Variants in TRRAP observed in about 807,000 individuals in gnomAD.
TRRAP encodes the protein transformation/transcription domain associated protein.
In TRRAP, 41 loss-of-function variants were observed where a neutral mutation model predicts 438.8. The ratio of observed to expected loss-of-function variants is 0.09; its 90% CI spans 0.07 to 0.12. The LOEUF (loss-of-function observed/expected upper bound fraction) is 0.12. Among genes scored for constraint, TRRAP ranks in the 10% least tolerant of loss-of-function variants. The pLI, the probability that TRRAP is intolerant of heterozygous loss-of-function variation, is 1.00. For missense variants in TRRAP, 3,122 were observed against 5,055.1 expected, an observed-to-expected ratio of 0.62 and a Z score of 11.60; for synonymous variants, 1,994 against 1,962.9, an observed-to-expected ratio of 1.02 and a Z score of -0.42.
chr7:98,946,741 G>A (rs1219382054), intron 33 of TRRAP, among the ~76,000 whole-genome samples: 1 of 152,144 alleles, frequency 6.6e-6, no homozygotes, highest in Non-Finnish European at 1.5e-5. Flanking sequence ...CACACACCCC[G>A]AGCTTTCCCT....
intron 60 of TRRAP, among the ~76,000 whole-genome samples, chr7:98,983,784 G>A (rs1351661782): frequency 6.6e-6 from 1 of 152,154 alleles, no homozygotes; most frequent in Non-Finnish European, 1.5e-5. Flanking sequence ...TGCTCAGGTG[G>A]CTCTGCGTGG....
At chr7:98,897,064 G>A (rs552850268) in intron 7 of TRRAP, among the ~76,000 whole-genome samples, 3 of 152,154 alleles carry the variant, frequency 2.0e-5, no homozygotes, top group Non-Finnish European at 2.9e-5. Flanking sequence ...GTGAAACCCC[G>A]TCTCTACTAA....
In TRRAP at chr7:98,948,881, A is replaced by C. The variant is rs1791203063; in HGVS notation, c.4788+196A>C. ...AGGTCTAGGAACCACTCTTTATAGG[A>C]CTTTGGTGGTGGTAGCAAATAAATG... is the stretch of plus-strand genomic sequence containing the variant. On this transcript the variant is annotated intron_variant, in intron 35 of 72. Coordinates refer to ENST00000456197, the MANE Select transcript of TRRAP (RefSeq NM_001375524.1). The surrounding 1 kb of genome is among the most constrained non-coding windows in gnomAD (Gnocchi z 4.9). Among the ~76,000 whole-genome samples the C allele has an allele frequency of 6.6e-6, 1 of 152,090 alleles. No individual in the cohort carries two copies. Among genetic ancestry groups the C allele is most frequent in the Admixed American group, 6.6e-5 (1 of 15,260 alleles).
chr7:98,960,127 A>G (rs1448632649), intron 45 of TRRAP, among the ~76,000 whole-genome samples: 1 of 152,048 alleles, frequency 6.6e-6, no homozygotes, highest in Non-Finnish European at 1.5e-5. Flanking sequence ...TGTTGCAACA[A>G]CCTTTAAGAT....
At chr7:98,932,501 A>T (rs1277647649) in intron 26 of TRRAP, among the ~76,000 whole-genome samples, 3 of 151,836 alleles carry the variant, frequency 2.0e-5, no homozygotes, top group African/African-American at 4.8e-5. Flanking sequence ...TAATTAAAAA[A>T]TTTTTTTCCA....
At chr7:98,906,306 G>A (rs781873517) in intron 13 of TRRAP, 51 bp downstream of exon 13, 11 of 1,466,436 alleles carry the variant, frequency 7.5e-6, no homozygotes, top group South Asian at 5.9e-5. Context: ...AGGAGCATCA[G>A]TTACTGGCAC....
intron 70 of TRRAP, among the ~76,000 whole-genome samples, chr7:99,010,725 C>A (rs566910270): frequency 6.6e-6 from 1 of 152,128 alleles, no homozygotes; most frequent in Non-Finnish European, 1.5e-5. Context: ...GTTAATTGGC[C>A]TGATATATTC....
At chr7:98,950,293 A>G (rs369420255) in intron 38 of TRRAP, 31 bp downstream of exon 38, 7 of 1,610,712 alleles carry the variant, frequency 4.3e-6, no homozygotes, top group Non-Finnish European at 5.9e-6. Flanking sequence ...GTAGAAGGGT[A>G]TGGGTATTTG....
intron 67 of TRRAP, chr7:98,999,803 G>T (rs1793834786): frequency 1.9e-6 from 1 of 524,784 alleles, no homozygotes; most frequent in Non-Finnish European, 3.4e-6. Flanking sequence ...AAGTTCTGTG[G>T]CAAATCCCGA....
chr7:98,904,409 G>A (rs1288822153), intron 12 of TRRAP, among the ~76,000 whole-genome samples: 2 of 149,362 alleles, frequency 1.3e-5, no homozygotes, highest in South Asian at 2.1e-4. Flanking sequence ...TGTGAACCCA[G>A]GAAGGCAGAG....
At chr7:98,917,292 A>C in intron 19 of TRRAP, 131 bp from the exon 20 acceptor site, 1 of 1,287,622 alleles carries the variant, frequency 7.8e-7, no homozygotes, top group Non-Finnish European at 1.1e-6. Context: ...GTGGAGTCTA[A>C]GGGCACAGAG....
intron 63 of TRRAP, among the ~76,000 whole-genome samples, chr7:98,989,483 C>T (rs1793294575): frequency 6.6e-6 from 1 of 152,260 alleles, no homozygotes; most frequent in Non-Finnish European, 1.5e-5. Context: ...TCCTGTCTTC[C>T]CCCAAGAAGC....
chr7:98,962,709 C>T (rs1451309201), intron 47 of TRRAP, among the ~76,000 whole-genome samples: 2 of 152,210 alleles, frequency 1.3e-5, no homozygotes, highest in Non-Finnish European at 2.9e-5. Flanking sequence ...CCCAGTGTCA[C>T]ACTAAACAGG....
chr7:98,898,693 A>G (rs1030390166), intron 8 of TRRAP, among the ~76,000 whole-genome samples: 14 of 152,104 alleles, frequency 9.2e-5, no homozygotes, highest in African/African-American at 3.1e-4. Context: ...ATATATTAGG[A>G]CTGTTGAACT....
intron 20 of TRRAP, among the ~76,000 whole-genome samples, chr7:98,920,462 T>C (rs1225237657): frequency 4.0e-5 from 6 of 148,592 alleles, no homozygotes; most frequent in Non-Finnish European, 7.4e-5. Flanking sequence ...AGAGCGAGAC[T>C]CCGTCTCCAA....
chr7:98,976,781 G>C lies in TRRAP; in HGVS notation c.8247+11G>C. 1 of 1,610,768 alleles carries C rather than the reference G, an allele frequency of 6.2e-7. No individual in the cohort carries two copies. Among genetic ancestry groups the C allele is most frequent in the Non-Finnish European group, 8.5e-7 (1 of 1,177,846 alleles). ...ACCCCGCCGCAGCAGGTGAGGGTGC[G>C]CCTCAGTTTGTTAATTACCTCTTCC... is the stretch of plus-strand genomic sequence containing the variant. On this transcript the variant is annotated intron_variant, in intron 55 of 72. Coordinates refer to ENST00000456197, the MANE Select transcript of TRRAP (RefSeq NM_001375524.1). The surrounding 1 kb of genome is among the most constrained non-coding windows in gnomAD (Gnocchi z 4.6).
intron 53 of TRRAP, among the ~76,000 whole-genome samples, chr7:98,974,023 GCT>G (rs1792537631): frequency 6.6e-6 from 1 of 152,198 alleles, no homozygotes. Flanking sequence ...CTGAGAGCCT[GCT>G]CTGTGTCAGG....
chr7:98,957,926 G>T (rs1203926122), intron 43 of TRRAP, 55 bp from the exon 44 acceptor site: 1 of 1,513,668 alleles, frequency 6.6e-7, no homozygotes, highest in East Asian at 2.4e-5. Context: ...GTCAAGCCTG[G>T]GTTGGAAATT....
At chr7:98,969,935 A>G (rs1004048052) in intron 51 of TRRAP, among the ~76,000 whole-genome samples, 177 bp from the exon 52 acceptor site, 2 of 151,886 alleles carry the variant, frequency 1.3e-5, no homozygotes, top group Non-Finnish European at 1.5e-5. Context: ...GATGCCTTGG[A>G]GGGGTTGGAG....
Sources: allele counts gnomAD v4.1 joint callset (sites outside exome capture counted in the v4.1 genomes callset), GRCh38; gene constraint gnomAD v4.1.1; non-coding constraint Gnocchi (gnomAD v3.1); transcripts MANE v1.5; gene names NCBI Gene and HGNC (gene_info 2026-07-23, HGNC 2026-07-21).